SEMA3D: variants seen among roughly 807,000 people sequenced by gnomAD.
SEMA3D encodes the protein semaphorin-3D.
In SEMA3D, 84 loss-of-function variants were observed where a neutral mutation model predicts 100.1. That is an observed-to-expected ratio of 0.84 (90% CI 0.70 to 1.01). The LOEUF is 1.01. Among genes scored for constraint, SEMA3D ranks in the 50% least tolerant of loss-of-function variants. The pLI, the probability that SEMA3D is intolerant of heterozygous loss-of-function variation, is 0.00. For synonymous variants in SEMA3D, 312 were observed against 320.7 expected (o/e 0.97, Z 0.29); for missense variants, 875 against 934.1 (o/e 0.94, Z 0.82).
At chr7:85,115,245 C>T (rs1475072523) in intron 3 of SEMA3D, among the ~76,000 whole-genome samples, 1 of 152,058 alleles carries the variant, frequency 6.6e-6, no homozygotes, top group Non-Finnish European at 1.5e-5. Flanking sequence ...GGGGTTGACT[C>T]AGGAGTTGAA....
In SEMA3D at chr7:84,996,348, A is replaced by G. The variant is rs775570071; in HGVS notation, c.*3092T>C. 1.3e-5 allele frequency: 2 copies of G among 152,028 alleles called. No homozygotes were observed. Among genetic ancestry groups the G allele is most frequent in the Non-Finnish European group, 2.9e-5 (2 of 67,872 alleles). The allele number at this position is 152,028 out of a possible 1,614,324, so 9.4% of individuals were successfully genotyped here. ...AAAAGCAAAATTCAAGAGTAAGACCATTTTGTAGCCAGCATATTGTAAAGA... is the reference window on the plus strand; with the variant it reads ...AAAAGCAAAATTCAAGAGTAAGACCGTTTTGTAGCCAGCATATTGTAAAGA... On this transcript the variant is annotated 3_prime_UTR_variant, in exon 19 of 19. Coordinates refer to ENST00000284136, the MANE Select transcript of SEMA3D (RefSeq NM_001384900.1).
At chr7:85,146,966 CAT>C (rs773302335) in intron 2 of SEMA3D, among the ~76,000 whole-genome samples, 1 of 151,950 alleles carries the variant, frequency 6.6e-6, no homozygotes, top group African/African-American at 2.4e-5. Context: ...ACCGGAAAAA[CAT>C]AGTTCATTCC....
chr7:85,077,312 T>G (rs1791955026), intron 5 of SEMA3D, among the ~76,000 whole-genome samples: 1 of 151,984 alleles, frequency 6.6e-6, no homozygotes, highest in Non-Finnish European at 1.5e-5. Context: ...ATAAAGTGTA[T>G]ACATCAAATA....
chr7:85,195,308 T>G, the SEMA3D span, among the ~76,000 whole-genome samples: 27 of 152,282 alleles, frequency 1.8e-4, no homozygotes, highest in African/African-American at 6.0e-4. Flanking sequence ...AGCCTCACAG[T>G]TGTACCCCAT....
At chr7:85,233,659 A>G in the SEMA3D span, among the ~76,000 whole-genome samples, 1 of 152,186 alleles carries the variant, frequency 6.6e-6, no homozygotes, top group Non-Finnish European at 1.5e-5. Context: ...GTGAATAAAG[A>G]TGGTGCTTGT....
At chr7:85,102,595 G>T (rs528640397) in intron 3 of SEMA3D, among the ~76,000 whole-genome samples, 18 of 152,064 alleles carry the variant, frequency 1.2e-4, no homozygotes, top group Non-Finnish European at 2.1e-4. Context: ...CTACTAAAAT[G>T]TTTTATTCAG....
At chr7:85,111,053 T>G (rs1021872110) in intron 3 of SEMA3D, among the ~76,000 whole-genome samples, 9 of 152,078 alleles carry the variant, frequency 5.9e-5, no homozygotes, top group Admixed American at 5.2e-4. Context: ...ATTTAACAAC[T>G]TCTATACTAG....
intron 4 of SEMA3D, among the ~76,000 whole-genome samples, chr7:85,094,933 A>T (rs530673247): frequency 6.6e-6 from 1 of 152,074 alleles, no homozygotes; most frequent in South Asian, 2.1e-4. Context: ...TCCTCTCAAA[A>T]AAATTTTCAA....
intron 4 of SEMA3D, among the ~76,000 whole-genome samples, chr7:85,086,543 T>A (rs1301356648): frequency 2.0e-5 from 3 of 152,024 alleles, no homozygotes; most frequent in African/African-American, 7.2e-5. Context: ...CTTTATATAA[T>A]GCGATATATA....
the SEMA3D span, among the ~76,000 whole-genome samples, chr7:85,198,833 C>CT: frequency 0.37 from 48,611 of 131,510 alleles, 9,898 homozygotes; most frequent in East Asian, 0.55. Context: ...CTTTTTGCTC[C>CT]TTTTTTTTTT....
intron 3 of SEMA3D, among the ~76,000 whole-genome samples, chr7:85,101,252 A>G (rs1788734688): frequency 6.6e-6 from 1 of 152,048 alleles, no homozygotes; most frequent in South Asian, 2.1e-4. Context: ...AATCAAAAAT[A>G]TGTAAAAGCA....
At position 85,006,689 on chromosome 7, in the gene SEMA3D, TA is replaced by T. The variant is rs779329503; in HGVS notation, c.1908+112del. ...TTTGGTGTTAGTGAGTAAAACCTGTTATTTTTTTTAATCAAATAATGATGAG... is the reference window on the plus strand; with the variant it reads ...TTTGGTGTTAGTGAGTAAAACCTGTTTTTTTTTTAATCAAATAATGATGAG... On this transcript the variant is annotated intron_variant, in intron 18 of 18. Transcript: ENST00000284136. The T allele has an allele frequency of 4.0e-5, 35 of 868,836 alleles. No individual in the cohort carries two copies. The Admixed American group carries it at 5.2e-4, about 13-fold the overall frequency. The allele number at this position is 868,836 out of a possible 1,614,324, so 53.8% of individuals were successfully genotyped here. A position where few individuals can be genotyped will look rare whatever the true frequency, so the allele number is the denominator to read the frequency against.
At chr7:85,151,082 T>TA (rs1231030025) in intron 2 of SEMA3D, among the ~76,000 whole-genome samples, 1 of 133,652 alleles carries the variant, frequency 7.5e-6, no homozygotes, top group Non-Finnish European at 1.6e-5. Context: ...TTACCTACAA[T>TA]AAAAAAAATC....
intron 2 of SEMA3D, chr7:85,140,094 A>G: frequency 2.8e-6 from 1 of 351,174 alleles, no homozygotes; most frequent in Non-Finnish European, 4.0e-6. Flanking sequence ...ACAATATATT[A>G]CTGCAGACTA....
chr7:85,160,106 A>C (rs980393926), intron 1 of SEMA3D: 1 of 903,422 alleles, frequency 1.1e-6, no homozygotes, highest in African/African-American at 1.8e-5. Context: ...CTTTGATAAA[A>C]TTGAGTTTTC....
chr7:85,067,278 C>A (rs1791654914), intron 7 of SEMA3D, among the ~76,000 whole-genome samples: 1 of 152,116 alleles, frequency 6.6e-6, no homozygotes, highest in Non-Finnish European at 1.5e-5. Context: ...TGCCGCCAAT[C>A]TATTGTTTTG....
At chr7:85,017,646 G>A (rs1790141912) in intron 15 of SEMA3D, among the ~76,000 whole-genome samples, 1 of 151,568 alleles carries the variant, frequency 6.6e-6, no homozygotes, top group South Asian at 2.1e-4. Flanking sequence ...TTGTAATTTG[G>A]AATATCATAT....
the SEMA3D span, among the ~76,000 whole-genome samples, chr7:85,238,503 G>T: frequency 6.6e-6 from 1 of 152,086 alleles, no homozygotes; most frequent in Non-Finnish European, 1.5e-5. Flanking sequence ...AAAAATCAAT[G>T]GGCTACAATT....
intron 1 of SEMA3D, chr7:85,157,708 G>A: frequency 2.2e-6 from 2 of 912,320 alleles, no homozygotes; most frequent in Non-Finnish European, 2.6e-6. Flanking sequence ...GCTCTGCTGG[G>A]CAGAGGTGTA....
Sources: allele counts gnomAD v4.1 joint callset (sites outside exome capture counted in the v4.1 genomes callset), GRCh38; gene constraint gnomAD v4.1.1; transcripts MANE v1.5; gene names NCBI Gene and HGNC (gene_info 2026-07-23, HGNC 2026-07-21).